TNKS: variants seen among roughly 807,000 people sequenced by gnomAD.
TNKS encodes tankyrase.
A neutral mutation model predicts 135.8 loss-of-function variants in TNKS; 72 were observed. That is an observed-to-expected ratio of 0.53 (90% confidence interval 0.44 to 0.64). The LOEUF is 0.64. Among genes scored for constraint, TNKS ranks in the 30% least tolerant of loss-of-function variants. TNKS has a pLI of 0.00. For missense variants in TNKS, 1,769 were observed against 1,674.0 expected (o/e 1.06, Z -0.99); for synonymous variants, 849 against 649.3 (o/e 1.31, Z -4.68).
rs186234800 is a variant in TNKS, at chr8:9,698,886, A to G, written c.1108-5777A>G. The stretch of plus-strand genomic sequence containing the variant: ...CAAGAAGACATCTTTAATTTATAGG[A>G]CTTCCTTAAGACCTTTTTTTCTGTT... On this transcript the variant is annotated intron_variant, in intron 5 of 26. Coordinates refer to ENST00000310430, the MANE Select transcript of TNKS (RefSeq NM_003747.3). Among the ~76,000 whole-genome samples, 5 of 152,352 alleles carry G rather than the reference A, an allele frequency of 3.3e-5. No individual in the cohort carries two copies. The East Asian group carries it at 9.6e-4, about 29-fold the overall frequency.
At chr8:9,662,778 T>C (rs887100568) in intron 3 of TNKS, among the ~76,000 whole-genome samples, 3 of 152,204 alleles carry the variant, frequency 2.0e-5, no homozygotes, top group African/African-American at 7.2e-5. Context: ...GTATGTACTT[T>C]TCATTCAATG....
chr8:9,610,505 T>C (rs898985348), intron 2 of TNKS, among the ~76,000 whole-genome samples: 3 of 152,074 alleles, frequency 2.0e-5, no homozygotes, highest in Non-Finnish European at 2.9e-5. Flanking sequence ...CTCTTAAAGC[T>C]CATGTGTATT....
chr8:9,578,121 C>T (rs1178032413), intron 1 of TNKS, among the ~76,000 whole-genome samples: 1 of 152,178 alleles, frequency 6.6e-6, no homozygotes, highest in Non-Finnish European at 1.5e-5. Context: ...GCGGCTCCAC[C>T]CCTGTGGCTT....
intron 3 of TNKS, among the ~76,000 whole-genome samples, chr8:9,660,489 C>T (rs1390272311): frequency 2.0e-5 from 3 of 152,184 alleles, no homozygotes; most frequent in Non-Finnish European, 4.4e-5. Context: ...ACAAAAACCA[C>T]ATGATTATCT....
At chr8:9,653,604 C>G (rs985746870) in intron 3 of TNKS, among the ~76,000 whole-genome samples, 1 of 152,032 alleles carries the variant, frequency 6.6e-6, no homozygotes, top group Non-Finnish European at 1.5e-5. Context: ...GTAGCAAATT[C>G]AGTCCCATGA....
rs746011591 is a variant in TNKS at position 9,748,019 on chromosome 8, T to G, written c.2644-5T>G. 9 of 1,604,026 alleles carry G rather than the reference T, an allele frequency of 5.6e-6. No homozygotes were observed. The highest frequency in any genetic ancestry group is 4.4e-5 in the South Asian group (4 of 89,988). Reference sequence around the variant, plus strand: ...AACTCTTTGTATCCTTTTCTTTTTTTTCAGCATGTTGACATAGCGGCTTTA... The same window carrying G: ...AACTCTTTGTATCCTTTTCTTTTTTGTCAGCATGTTGACATAGCGGCTTTA... On this transcript the variant is annotated splice_polypyrimidine_tract_variant and splice_region_variant and intron_variant, in intron 17 of 26. Transcript: ENST00000310430.
chr8:9,690,450 T>C (rs772608515), intron 5 of TNKS, among the ~76,000 whole-genome samples: 19 of 152,220 alleles, frequency 1.2e-4, no homozygotes, highest in Non-Finnish European at 4.4e-5. Flanking sequence ...GATAGTCCTT[T>C]ATATTCTCAC....
intron 3 of TNKS, among the ~76,000 whole-genome samples, chr8:9,668,950 A>G (rs2128791816): frequency 6.6e-6 from 1 of 152,032 alleles, no homozygotes; most frequent in Non-Finnish European, 1.5e-5. Context: ...CATTTATACT[A>G]TTTTGATTAT....
chr8:9,633,534 A>C (rs148427499), intron 3 of TNKS, among the ~76,000 whole-genome samples: 1 of 152,342 alleles, frequency 6.6e-6, no homozygotes, highest in Middle Eastern at 3.4e-3. Context: ...TGCCCAATCA[A>C]CCTGTCTCCT....
intron 17 of TNKS, chr8:9,740,826 G>GTTTTTTTTTTTTTTTTTTTTTTT (rs66865048): frequency 9.7e-6 from 1 of 103,566 alleles, no homozygotes; most frequent in Non-Finnish European, 1.8e-5. Flanking sequence ...AATTCTTGTT[G>GTTTTTTTTTTTTTTTTTTTTTTT]TTTTTTTTTT....
At chr8:9,661,674 G>T (rs1801720416) in intron 3 of TNKS, among the ~76,000 whole-genome samples, 1 of 152,150 alleles carries the variant, frequency 6.6e-6, no homozygotes, top group South Asian at 2.1e-4. Context: ...ATAGGCATGG[G>T]CAAGGACTTC....
At chr8:9,751,053 C>T (rs1806498944) in intron 18 of TNKS, among the ~76,000 whole-genome samples, 1 of 142,088 alleles carries the variant, frequency 7.0e-6, no homozygotes, top group Non-Finnish European at 1.5e-5. Context: ...CAGGGCAAAC[C>T]ACATTCGGCG....
At chr8:9,679,207 C>G (rs1802669659) in intron 3 of TNKS, among the ~76,000 whole-genome samples, 1 of 152,092 alleles carries the variant, frequency 6.6e-6, no homozygotes, top group Admixed American at 6.5e-5. Flanking sequence ...CCCCAACCTC[C>G]TTTTAAAAAA....
intron 18 of TNKS, among the ~76,000 whole-genome samples, chr8:9,750,254 C>G (rs1806451409): frequency 6.6e-6 from 1 of 152,198 alleles, no homozygotes. Flanking sequence ...TGGCCTGAGG[C>G]TGTGCCTTAC....
chr8:9,772,045 C>A (rs1483177176), intron 26 of TNKS, among the ~76,000 whole-genome samples: 1 of 87,708 alleles, frequency 1.1e-5, no homozygotes, highest in African/African-American at 4.7e-5. Context: ...TGAGAGGAGA[C>A]AGAGGTAGGG....
intron 17 of TNKS, among the ~76,000 whole-genome samples, chr8:9,743,167 G>T (rs1806056858): frequency 6.6e-6 from 1 of 152,160 alleles, no homozygotes; most frequent in South Asian, 2.1e-4. Flanking sequence ...ATATCATCTG[G>T]AATACAGCTT....
At chr8:9,614,856 A>G (rs1371392612) in intron 2 of TNKS, among the ~76,000 whole-genome samples, 1 of 152,048 alleles carries the variant, frequency 6.6e-6, no homozygotes, top group Admixed American at 6.6e-5. Context: ...TTAAACAGTG[A>G]TTTTTTCTTT....
At position 9,629,714 on chromosome 8, in the gene TNKS, G is replaced by A. The variant is rs1215055760; in HGVS notation, c.994+14037G>A. 5.3e-5 allele frequency among the ~76,000 whole-genome samples: 8 copies of A among 152,092 alleles called. No homozygotes were observed. In the East Asian group the frequency reaches 1.2e-3, roughly 22 times the overall value. ...TGTTTGTTTTTTGAGACGAAGTCTC[G>A]CTCTGTCGCCCAGGCTGGAGTGCAG... is the stretch of plus-strand genomic sequence containing the variant. On this transcript the variant is annotated intron_variant, in intron 3 of 26. Transcript: ENST00000310430.
chr8:9,731,426 C>T (rs1167503401), intron 14 of TNKS, among the ~76,000 whole-genome samples: 3 of 132,324 alleles, frequency 2.3e-5, no homozygotes, highest in Admixed American at 8.8e-5. Context: ...CAGCATTGCA[C>T]TCCAGCTTGG....
Sources: gnomAD v4.1 joint callset for allele counts (sites outside exome capture counted in the v4.1 genomes callset) on GRCh38, gnomAD v4.1.1 for gene constraint, MANE v1.5 for transcripts, NCBI Gene and HGNC (gene_info 2026-07-23, HGNC 2026-07-21) for gene names.